The following DLG2 variants were observed in gnomAD, a reference collection of about 807,000 sequenced individuals.
The protein encoded by DLG2 is discs large MAGUK scaffold protein 2.
In DLG2, 45 loss-of-function variants were observed where a neutral mutation model predicts 132.5. The ratio of observed to expected loss-of-function variants is 0.34; its 90% CI spans 0.27 to 0.44. DLG2 has a LOEUF of 0.44. Among genes scored for constraint, DLG2 ranks in the 20% least tolerant of loss-of-function variants. The pLI, the probability that DLG2 is intolerant of heterozygous loss-of-function variation, is 1.00. For missense variants in DLG2, 1,045 were observed against 1,196.9 expected (o/e 0.87, Z 1.87); for synonymous variants, 424 against 419.6 (o/e 1.01, Z -0.13).
At chr11:84,841,009 A>T (rs1371178346) in intron 6 of DLG2, among the ~76,000 whole-genome samples, 4 of 145,678 alleles carry the variant, frequency 2.7e-5, no homozygotes, top group Admixed American at 6.9e-5. Flanking sequence ...AAAAAATAGT[A>T]AAAAAAAAAA....
At chr11:85,065,190 T>C (rs1307725544) in intron 6 of DLG2, among the ~76,000 whole-genome samples, 1 of 151,556 alleles carries the variant, frequency 6.6e-6, no homozygotes, top group Non-Finnish European at 1.5e-5. Flanking sequence ...TTTTGAACAC[T>C]ACCCTAGAAT....
At chr11:84,739,504 T>A (rs996036920) in intron 6 of DLG2, among the ~76,000 whole-genome samples, 7 of 152,220 alleles carry the variant, frequency 4.6e-5, no homozygotes, top group African/African-American at 1.7e-4. Flanking sequence ...ATGAGCACTT[T>A]ACCTGAGTTT....
At chr11:85,175,813 C>T (rs1333146846) in intron 4 of DLG2, among the ~76,000 whole-genome samples, 1 of 152,062 alleles carries the variant, frequency 6.6e-6, no homozygotes, top group Non-Finnish European at 1.5e-5. Context: ...TTCCTATACA[C>T]TAACAATAGG....
intron 7 of DLG2, among the ~76,000 whole-genome samples, chr11:84,510,355 A>G (rs2099253874): frequency 6.6e-6 from 1 of 152,060 alleles, no homozygotes; most frequent in South Asian, 2.1e-4. Flanking sequence ...ATTTTATACA[A>G]GTAAAAGTGA....
intron 19 of DLG2, among the ~76,000 whole-genome samples, chr11:83,570,100 G>A (rs1040328128): frequency 1.3e-5 from 2 of 152,166 alleles, no homozygotes; most frequent in African/African-American, 4.8e-5. Context: ...ATATCCAGTT[G>A]TTACTATTAT....
intron 18 of DLG2, among the ~76,000 whole-genome samples, chr11:83,785,560 A>T (rs1594327458): frequency 6.6e-6 from 1 of 152,270 alleles, no homozygotes; most frequent in East Asian, 1.9e-4. Context: ...TTTATTAAAA[A>T]TTTTGAATAA....
intron 6 of DLG2, among the ~76,000 whole-genome samples, chr11:84,981,136 T>C (rs2055677200): frequency 6.6e-6 from 1 of 152,326 alleles, no homozygotes; most frequent in East Asian, 1.9e-4. Context: ...GTTGAATTAG[T>C]GAGTCATGGA....
At chr11:83,846,195 A>T (rs1301596583) in intron 16 of DLG2, among the ~76,000 whole-genome samples, 1 of 152,260 alleles carries the variant, frequency 6.6e-6, no homozygotes, top group Non-Finnish European at 1.5e-5. Flanking sequence ...CGTACATGGC[A>T]TGAGCCTAGG....
chr11:85,080,894 CAG>C lies in DLG2; in HGVS notation c.357+30765_357+30766del, dbSNP rs1438177654. On this transcript the variant is annotated intron_variant, in intron 6 of 27. Coordinates refer to ENST00000376104, the MANE Select transcript of DLG2 (RefSeq NM_001142699.3). ...CAAGCCTCCAGCAATAAGTCTAAGT[CAG>C]AGAGTTAATTTAGGATTTGAATTGA... 2.6e-5 allele frequency among the ~76,000 whole-genome samples: 4 copies of C among 151,934 alleles called. No individual in the cohort carries two copies. The East Asian group carries it at 7.8e-4, about 29-fold the overall frequency.
chr11:84,448,655 T>C (rs73523778), intron 7 of DLG2, among the ~76,000 whole-genome samples: 2,191 of 152,198 alleles, frequency 0.014, 16 homozygotes, highest in African/African-American at 0.024. Context: ...TTTTTCCAGA[T>C]AACCACCAGA....
intron 7 of DLG2, among the ~76,000 whole-genome samples, chr11:84,269,009 CTTTTG>C (rs932496442): frequency 5.2e-4 from 73 of 139,250 alleles, no homozygotes; most frequent in African/African-American, 1.8e-3. Context: ...TGTTTTATTT[CTTTTG>C]TTTTGTTTGT....
At chr11:85,291,151 G>A (rs1316430531) in intron 3 of DLG2, among the ~76,000 whole-genome samples, 1 of 151,930 alleles carries the variant, frequency 6.6e-6, no homozygotes, top group Non-Finnish European at 1.5e-5. Flanking sequence ...AAATTCACTA[G>A]GCAAACTTCA....
At chr11:84,998,865 T>G (rs1222972811) in intron 6 of DLG2, among the ~76,000 whole-genome samples, 1 of 152,122 alleles carries the variant, frequency 6.6e-6, no homozygotes, top group South Asian at 2.1e-4. Context: ...ATACCAGACA[T>G]GCTATTCCTA....
intron 3 of DLG2, among the ~76,000 whole-genome samples, chr11:85,494,340 A>T (rs1258154778): frequency 6.6e-6 from 1 of 152,218 alleles, no homozygotes; most frequent in Non-Finnish European, 1.5e-5. Context: ...AAAGAAAAGG[A>T]ATTGTTCTTA....
rs376322403 is a variant in DLG2, at chr11:83,550,660, C to T, written c.1941-8802G>A. On this transcript the variant is annotated intron_variant, in intron 19 of 27. Coordinates refer to ENST00000376104, the MANE Select transcript of DLG2 (RefSeq NM_001142699.3). Reference sequence around the variant, plus strand: ...AAATCATTTTCCTTTCCCCCAAATGCCATCAGCTTGCTACTCAAAAATTAA... The same window carrying T: ...AAATCATTTTCCTTTCCCCCAAATGTCATCAGCTTGCTACTCAAAAATTAA... Among the ~76,000 whole-genome samples, 32 of 152,238 alleles carry T rather than the reference C, an allele frequency of 2.1e-4. No homozygotes were observed. The East Asian group carries it at 3.1e-3, about 15-fold the overall frequency.
intron 6 of DLG2, chr11:84,720,369 C>T: frequency 3.0e-6 from 3 of 985,442 alleles, no homozygotes; most frequent in Non-Finnish European, 3.6e-6. Context: ...TGGTGTAAAA[C>T]AGTCAGGGTC....
chr11:85,353,435 C>G (rs373977480), intron 3 of DLG2, among the ~76,000 whole-genome samples: 5 of 152,138 alleles, frequency 3.3e-5, no homozygotes, highest in African/African-American at 1.2e-4. Flanking sequence ...TGTGGCAATT[C>G]CTCAAGGATC....
intron 2 of DLG2, among the ~76,000 whole-genome samples, chr11:85,612,821 T>A (rs2081093203): frequency 6.6e-6 from 1 of 152,160 alleles, no homozygotes; most frequent in Admixed American, 6.5e-5. Flanking sequence ...TACTTCATTA[T>A]CCTACTACCA....
intron 8 of DLG2, among the ~76,000 whole-genome samples, chr11:84,216,727 C>A (rs778813104): frequency 2.6e-5 from 4 of 152,032 alleles, no homozygotes; most frequent in Non-Finnish European, 5.9e-5. Context: ...GGTGGAGAGA[C>A]CATATAGTGG....
Sources: allele counts gnomAD v4.1 joint callset (sites outside exome capture counted in the v4.1 genomes callset), GRCh38; gene constraint gnomAD v4.1.1; transcripts MANE v1.5; gene names NCBI Gene and HGNC (gene_info 2026-07-23, HGNC 2026-07-21).